Variants in CPXM2 observed in about 807,000 individuals in gnomAD.
CPXM2 encodes inactive carboxypeptidase-like protein X2.
In CPXM2, 66 loss-of-function variants were observed where a neutral mutation model predicts 86.1. The observed-to-expected ratio is 0.77, with a 90% CI of 0.63 to 0.94. The LOEUF (loss-of-function observed/expected upper bound fraction) is 0.94, where lower values mean the gene tolerates loss of function less well. Ranked by LOEUF, CPXM2 falls within the 40% of genes least tolerant of loss-of-function variation. The pLI is 0.00. For synonymous variants in CPXM2, 388 were observed against 400.2 expected, an observed-to-expected ratio of 0.97 and a Z score of 0.36; for missense variants, 948 against 1,026.3, an observed-to-expected ratio of 0.92 and a Z score of 1.04.
At chr10:123,825,592 G>A (rs1241116188) in intron 4 of CPXM2, among the ~76,000 whole-genome samples, 1 of 152,180 alleles carries the variant, frequency 6.6e-6, no homozygotes, top group Admixed American at 6.5e-5. Context: ...GTTCACAGCT[G>A]CTAAACCTCA....
chr10:123,750,070 G>A, intron 13 of CPXM2: 1 of 972,886 alleles, frequency 1.0e-6, no homozygotes, highest in Non-Finnish European at 1.2e-6. Flanking sequence ...TGCCTGCCTT[G>A]GCCTCCCAAA....
At chr10:123,794,517 C>G (rs1425683800) in intron 6 of CPXM2, among the ~76,000 whole-genome samples, 1 of 152,130 alleles carries the variant, frequency 6.6e-6, no homozygotes, top group Non-Finnish European at 1.5e-5. Context: ...TCTCTGAAAA[C>G]CACCAAGGCC....
chr10:123,906,329 G>A (rs992059730), intron 2 of CPXM2, among the ~76,000 whole-genome samples: 2 of 152,274 alleles, frequency 1.3e-5, no homozygotes, highest in East Asian at 1.9e-4. Context: ...AAAATGAAAC[G>A]CTACGTAAAT....
chr10:123,875,839 C>T (rs1944977872), intron 2 of CPXM2, among the ~76,000 whole-genome samples: 1 of 97,540 alleles, frequency 1.0e-5, no homozygotes, highest in Admixed American at 1.4e-4. Flanking sequence ...TTTGGTGGGA[C>T]AGAGTCTCGC....
intron 9 of CPXM2, among the ~76,000 whole-genome samples, chr10:123,767,500 C>A (rs544265267): frequency 6.6e-6 from 1 of 152,260 alleles, no homozygotes; most frequent in African/African-American, 2.4e-5. Flanking sequence ...CAATGGCCAC[C>A]ACAGTAATGC....
At position 123,877,247 on chromosome 10, in the gene CPXM2, T is replaced by A. The variant is rs1211533231; in HGVS notation, c.403+2964A>T. ...AAAAGCTGTTTACAGTAGCAAAAAA[T>A]TGGAAACAACATAAATGTCTATTAT... On this transcript the variant is annotated intron_variant, in intron 2 of 13. Transcript: ENST00000241305. Among the ~76,000 whole-genome samples, 3 of 152,076 alleles carry A rather than the reference T, an allele frequency of 2.0e-5. No homozygotes were observed. In the East Asian group the frequency reaches 5.8e-4, roughly 29 times the overall value.
chr10:123,924,644 T>C (rs142274800), intron 2 of CPXM2, among the ~76,000 whole-genome samples: 2 of 152,284 alleles, frequency 1.3e-5, no homozygotes, highest in African/African-American at 4.8e-5. Flanking sequence ...TTTGTATGAT[T>C]GATTATAAAC....
At chr10:123,822,675 A>G (rs545584419) in intron 4 of CPXM2, among the ~76,000 whole-genome samples, 39 of 152,142 alleles carry the variant, frequency 2.6e-4, no homozygotes, top group African/African-American at 8.9e-4. Context: ...ATACAAGAGA[A>G]TATGCAAATA....
intron 7 of CPXM2, among the ~76,000 whole-genome samples, chr10:123,773,593 C>T (rs1846709084): frequency 6.6e-6 from 1 of 152,120 alleles, no homozygotes; most frequent in Non-Finnish European, 1.5e-5. Flanking sequence ...TGAGCATCTA[C>T]ATTGTTGGGT....
At chr10:123,748,231 G>A (rs1403366002) in intron 13 of CPXM2, among the ~76,000 whole-genome samples, 1 of 152,078 alleles carries the variant, frequency 6.6e-6, no homozygotes, top group East Asian at 1.9e-4. Flanking sequence ...GCAGTCTTTC[G>A]CTTGTGACAA....
At chr10:123,777,900 G>A (rs1055301202) in intron 7 of CPXM2, among the ~76,000 whole-genome samples, 1 of 152,234 alleles carries the variant, frequency 6.6e-6, no homozygotes, top group Admixed American at 6.5e-5. Context: ...TGTCCCAAGT[G>A]AGGGAGACAG....
intron 1 of CPXM2, among the ~76,000 whole-genome samples, chr10:123,889,923 TA>T (rs926671663): frequency 6.6e-6 from 1 of 150,952 alleles, no homozygotes; most frequent in African/African-American, 2.4e-5. Flanking sequence ...TGCAGGCACT[TA>T]AAAAAAAACT....
At chr10:123,921,694 G>A (rs749155795) in intron 2 of CPXM2, among the ~76,000 whole-genome samples, 118 of 152,226 alleles carry the variant, frequency 7.8e-4, no homozygotes, top group Non-Finnish European at 1.4e-3. Flanking sequence ...GAATAATTCA[G>A]TGGACCTACA....
At chr10:123,858,640 T>C (rs1404205990) in intron 3 of CPXM2, among the ~76,000 whole-genome samples, 1 of 152,232 alleles carries the variant, frequency 6.6e-6, no homozygotes, top group Non-Finnish European at 1.5e-5. Context: ...ATAACAGTAC[T>C]GTCTTCCATG....
chr10:123,856,829 T>C (rs1445122053), intron 3 of CPXM2, among the ~76,000 whole-genome samples: 2 of 152,264 alleles, frequency 1.3e-5, no homozygotes, highest in South Asian at 4.2e-4. Context: ...TGACCTCAGG[T>C]GATCCACCCG....
At chr10:123,820,079 A>G (rs577116841) in intron 4 of CPXM2, among the ~76,000 whole-genome samples, 6 of 152,286 alleles carry the variant, frequency 3.9e-5, no homozygotes, top group South Asian at 2.1e-4. Flanking sequence ...TCAGACTCCA[A>G]GTTCTTCAGT....
At chr10:123,927,310 G>C (rs184580236) in intron 2 of CPXM2, among the ~76,000 whole-genome samples, 51 of 152,328 alleles carry the variant, frequency 3.3e-4, no homozygotes, top group Non-Finnish European at 6.2e-4. Flanking sequence ...CTGTGCCTCA[G>C]TGTTCTCATC....
intron 2 of CPXM2, 101 bp downstream of exon 2, chr10:123,880,110 G>A (rs1945057416): frequency 6.0e-6 from 4 of 665,904 alleles, no homozygotes; most frequent in South Asian, 1.8e-5. Context: ...CCCACACTCG[G>A]GAATCTGTAG....
intron 7 of CPXM2, among the ~76,000 whole-genome samples, chr10:123,778,495 T>A (rs1246676096): frequency 6.6e-6 from 1 of 152,162 alleles, no homozygotes; most frequent in Non-Finnish European, 1.5e-5. Flanking sequence ...CTGCACTGAT[T>A]ATCCAAAGGT....
Sources: gnomAD v4.1 joint callset for allele counts (sites outside exome capture counted in the v4.1 genomes callset) on GRCh38, gnomAD v4.1.1 for gene constraint, MANE v1.5 for transcripts, NCBI Gene and HGNC (gene_info 2026-07-23, HGNC 2026-07-21) for gene names.